HSD17B12: variants seen among roughly 807,000 people sequenced by gnomAD.
HSD17B12 encodes hydroxysteroid 17-beta dehydrogenase 12, also known as very-long-chain 3-oxoacyl-CoA reductase.
A neutral mutation model predicts 39.3 loss-of-function variants in HSD17B12; 32 were observed. That is an observed-to-expected ratio of 0.81 (90% confidence interval 0.61 to 1.09). HSD17B12 has a LOEUF of 1.09. Ranked by LOEUF, HSD17B12 falls within the 50% of genes least tolerant of loss-of-function variation. The pLI is 0.00. For missense variants in HSD17B12, 342 were observed against 382.9 expected (o/e 0.89, Z 0.89); for synonymous variants, 150 against 146.7 (o/e 1.02, Z -0.16).
At chr11:43,577,772 C>T in the HSD17B12 span, among the ~76,000 whole-genome samples, 52 of 152,142 alleles carry the variant, frequency 3.4e-4, no homozygotes, top group Non-Finnish European at 5.3e-4. Flanking sequence ...GTTGCTGGTG[C>T]GATGCGCAGA....
intron 1 of HSD17B12, among the ~76,000 whole-genome samples, chr11:43,694,813 GA>G (rs148110473): frequency 3.3e-5 from 5 of 151,896 alleles, no homozygotes; most frequent in Admixed American, 6.6e-5. Flanking sequence ...CAGACCTACA[GA>G]AAAAAAATCT....
intron 1 of HSD17B12, chr11:43,734,620 T>TCTTA (rs1443964190): frequency 8.5e-6 from 3 of 350,882 alleles, no homozygotes; most frequent in Admixed American, 3.9e-5. Context: ...CCCCGATGAT[T>TCTTA]CTTAACACCG....
rs183741100 is a variant in HSD17B12 at position 43,783,666 on chromosome 11, C to T, written c.284-14654C>T. On this transcript the variant is annotated intron_variant, in intron 3 of 10. Coordinates refer to ENST00000278353, the MANE Select transcript of HSD17B12 (RefSeq NM_016142.3). ...ACTCCCACTTATGAGTGAGAGCATG[C>T]GGTGTTTGGTTTTCTGTTCTTGTGT... Among the ~76,000 whole-genome samples the T allele has an allele frequency of 4.9e-3, 749 of 151,962 alleles. 6 individuals are homozygous for T. The highest frequency in any genetic ancestry group is 7.2e-3 in the Non-Finnish European group (490 of 67,966).
chr11:43,662,563 A>G, the HSD17B12 span, among the ~76,000 whole-genome samples: 2 of 152,154 alleles, frequency 1.3e-5, no homozygotes, highest in Non-Finnish European at 2.9e-5. Context: ...TCATTAGATT[A>G]AGAGGACACC....
At chr11:43,673,153 T>C in the HSD17B12 span, 3 of 152,226 alleles carry the variant, frequency 2.0e-5, no homozygotes, top group African/African-American at 7.2e-5. Context: ...TGCTTAATAA[T>C]TCCTCGCTTC....
chr11:43,818,151 G>A (rs920966666), intron 6 of HSD17B12, among the ~76,000 whole-genome samples: 2 of 152,052 alleles, frequency 1.3e-5, no homozygotes, highest in African/African-American at 4.8e-5. Flanking sequence ...TCATCCACAC[G>A]CTATTTGTCA....
At chr11:43,594,809 C>T in the HSD17B12 span, among the ~76,000 whole-genome samples, 2 of 152,130 alleles carry the variant, frequency 1.3e-5, no homozygotes, top group African/African-American at 4.8e-5. Flanking sequence ...TGCCCCCACC[C>T]TGCCAAAATG....
intron 3 of HSD17B12, among the ~76,000 whole-genome samples, chr11:43,782,945 A>C (rs1161909604): frequency 7.2e-5 from 11 of 152,204 alleles, no homozygotes. Flanking sequence ...AGTGAGAAAC[A>C]CAGCATCACT....
the HSD17B12 span, among the ~76,000 whole-genome samples, chr11:43,655,180 G>A: frequency 6.6e-6 from 1 of 152,156 alleles, no homozygotes; most frequent in East Asian, 1.9e-4. Context: ...GTGATTGGGA[G>A]TTCACTCATG....
At chr11:43,770,536 C>T (rs1435089817) in intron 3 of HSD17B12, among the ~76,000 whole-genome samples, 1 of 152,140 alleles carries the variant, frequency 6.6e-6, no homozygotes, top group Non-Finnish European at 1.5e-5. Flanking sequence ...AAAAGACCAA[C>T]CTGGGCAACA....
rs1950599442 is a variant in HSD17B12 at position 43,766,807 on chromosome 11, CAT to C, written c.283+12687_283+12688del. On this transcript the variant is annotated intron_variant, in intron 3 of 10. Coordinates refer to ENST00000278353, the MANE Select transcript of HSD17B12 (RefSeq NM_016142.3). ...TAGCTTATGGTCCAATTTTGGCACA[CAT>C]GGTTTTTTAAGCCAATATGAGACCA... Among the ~76,000 whole-genome samples, 2 of 152,214 alleles carry C rather than the reference CAT, an allele frequency of 1.3e-5. 1 individual carries two copies. The highest frequency in any genetic ancestry group is 4.8e-5 in the African/African-American group (2 of 41,448).
the HSD17B12 span, among the ~76,000 whole-genome samples, chr11:43,591,305 G>A: frequency 6.6e-6 from 1 of 152,092 alleles, no homozygotes; most frequent in Non-Finnish European, 1.5e-5. Context: ...GTCTAATCTA[G>A]TGTTTTCAGA....
At chr11:43,744,912 C>G (rs1039025468) in intron 1 of HSD17B12, among the ~76,000 whole-genome samples, 11 of 152,216 alleles carry the variant, frequency 7.2e-5, no homozygotes, top group Non-Finnish European at 1.5e-4. Context: ...GGAGCCCAAC[C>G]TTTGTCCCTG....
At chr11:43,706,013 G>A (rs1189287893) in intron 1 of HSD17B12, among the ~76,000 whole-genome samples, 1 of 151,942 alleles carries the variant, frequency 6.6e-6, no homozygotes, top group Non-Finnish European at 1.5e-5. Flanking sequence ...AAATGGTGGG[G>A]AAATGTACCA....
intron 1 of HSD17B12, among the ~76,000 whole-genome samples, chr11:43,686,703 C>G (rs958912280): frequency 6.6e-6 from 1 of 150,788 alleles, no homozygotes; most frequent in African/African-American, 2.4e-5. Flanking sequence ...ATTCTAGCTT[C>G]CCTACAGATT....
At chr11:43,764,242 T>C (rs1236104268) in intron 3 of HSD17B12, among the ~76,000 whole-genome samples, 1 of 152,180 alleles carries the variant, frequency 6.6e-6, no homozygotes, top group Non-Finnish European at 1.5e-5. Context: ...TTTAAAATAA[T>C]GACTAGTTGT....
intron 6 of HSD17B12, among the ~76,000 whole-genome samples, chr11:43,817,014 ATC>A (rs1478439794): frequency 0.02 from 423 of 21,406 alleles, 5 homozygotes; most frequent in Middle Eastern, 0.028. Flanking sequence ...CTATATCTAT[ATC>A]TATATCTATA....
chr11:43,610,642 T>C, the HSD17B12 span, among the ~76,000 whole-genome samples: 14 of 152,154 alleles, frequency 9.2e-5, no homozygotes, highest in Non-Finnish European at 1.5e-5. Flanking sequence ...TGGTAGGGAC[T>C]CAGTAAAGAT....
the HSD17B12 span, among the ~76,000 whole-genome samples, chr11:43,561,003 C>A: frequency 2.0e-5 from 3 of 152,176 alleles, no homozygotes; most frequent in Non-Finnish European, 4.4e-5. Flanking sequence ...CTGTGAAAAT[C>A]CACCACTTCC....
Sources: allele counts gnomAD v4.1 joint callset (sites outside exome capture counted in the v4.1 genomes callset), GRCh38; gene constraint gnomAD v4.1.1; transcripts MANE v1.5; gene names NCBI Gene and HGNC (gene_info 2026-07-23, HGNC 2026-07-21).